The following SH3RF1 variants were observed in gnomAD, a reference collection of about 807,000 sequenced individuals.
SH3RF1 encodes E3 ubiquitin-protein ligase SH3RF1.
In SH3RF1, 32 loss-of-function variants were observed where a neutral mutation model predicts 74.0. The observed-to-expected ratio is 0.43, with a 90% CI of 0.33 to 0.58. The LOEUF is 0.58. Ranked by LOEUF, SH3RF1 falls within the 20% of genes least tolerant of loss-of-function variation. The pLI is 0.05. For synonymous variants in SH3RF1, 396 were observed against 439.6 expected (o/e 0.90, Z 1.24); for missense variants, 954 against 1,130.9 (o/e 0.84, Z 2.24).
At chr4:169,243,580 G>C (rs909774346) in intron 2 of SH3RF1, among the ~76,000 whole-genome samples, 1 of 152,112 alleles carries the variant, frequency 6.6e-6, no homozygotes, top group African/African-American at 2.4e-5. Context: ...GATTATGCTA[G>C]GCTAATTCCC....
intron 2 of SH3RF1, among the ~76,000 whole-genome samples, chr4:169,267,156 G>A (rs922902307): frequency 2.0e-5 from 3 of 152,162 alleles, no homozygotes; most frequent in Admixed American, 2.0e-4. Flanking sequence ...TTCCATGTTA[G>A]CAAGAAAACT....
chr4:169,125,984 A>T (rs1162243677), intron 6 of SH3RF1, among the ~76,000 whole-genome samples: 1 of 152,230 alleles, frequency 6.6e-6, no homozygotes, highest in African/African-American at 2.4e-5. Flanking sequence ...ATATCAGTTA[A>T]GTGACTCTGT....
At chr4:169,109,865 C>A (rs943045027) in intron 10 of SH3RF1, among the ~76,000 whole-genome samples, 1 of 150,756 alleles carries the variant, frequency 6.6e-6, no homozygotes, top group Admixed American at 6.6e-5. Context: ...AAAAATTAGC[C>A]AGGTGTGGTG....
At chr4:169,120,219 T>A (rs1733415455) in intron 8 of SH3RF1, among the ~76,000 whole-genome samples, 1 of 152,226 alleles carries the variant, frequency 6.6e-6, no homozygotes. Flanking sequence ...GAAGGATCTA[T>A]GCTATACTTA....
intron 2 of SH3RF1, among the ~76,000 whole-genome samples, chr4:169,209,650 T>TG (rs1346231063): frequency 6.6e-6 from 1 of 152,208 alleles, no homozygotes; most frequent in East Asian, 1.9e-4. Context: ...GTCCCACCAT[T>TG]AACTCACACT....
intron 2 of SH3RF1, among the ~76,000 whole-genome samples, chr4:169,204,550 C>CTTTTTT (rs35188309): frequency 8.8e-6 from 1 of 114,150 alleles, no homozygotes; most frequent in African/African-American, 3.1e-5. Flanking sequence ...ATTACCTTCT[C>CTTTTTT]TTTTTTTTTT....
chr4:169,132,189 T>A (rs1298544838), intron 5 of SH3RF1, among the ~76,000 whole-genome samples: 1 of 152,242 alleles, frequency 6.6e-6, no homozygotes, highest in Non-Finnish European at 1.5e-5. Flanking sequence ...CAAGGAACCC[T>A]TGGGGCAGAA....
chr4:169,110,269 C>A (rs966711459), intron 10 of SH3RF1, among the ~76,000 whole-genome samples: 3 of 151,626 alleles, frequency 2.0e-5, no homozygotes, highest in African/African-American at 7.3e-5. Context: ...GGGAGGATCA[C>A]TTAAGACCAG....
intron 4 of SH3RF1, among the ~76,000 whole-genome samples, chr4:169,138,403 G>A (rs2126955300): frequency 6.6e-6 from 1 of 152,318 alleles, no homozygotes; most frequent in Non-Finnish European, 1.5e-5. Flanking sequence ...ATGAAATGAA[G>A]GGCCAGCACA....
intron 1 of SH3RF1, 23 bp from the exon 2 acceptor site, chr4:169,269,330 G>GA: frequency 2.7e-6 from 3 of 1,122,546 alleles, no homozygotes; most frequent in Admixed American, 3.0e-5. Flanking sequence ...GGAAAAGGGG[G>GA]AAAAGAGAAC....
intron 2 of SH3RF1, among the ~76,000 whole-genome samples, chr4:169,181,531 G>A (rs1734511436): frequency 6.6e-6 from 1 of 151,534 alleles, no homozygotes; most frequent in Non-Finnish European, 1.5e-5. Context: ...AAAGTGCTAG[G>A]ATTACAGGCG....
intron 2 of SH3RF1, among the ~76,000 whole-genome samples, chr4:169,174,945 C>G (rs1734393274): frequency 6.6e-6 from 1 of 152,162 alleles, no homozygotes; most frequent in Non-Finnish European, 1.5e-5. Context: ...TGTTGAATAT[C>G]TAATAGGCAT....
intron 6 of SH3RF1, among the ~76,000 whole-genome samples, chr4:169,126,981 C>T (rs13102751): frequency 0.2 from 30,028 of 152,108 alleles, 3,103 homozygotes; most frequent in African/African-American, 0.26. Context: ...TAATACCTTG[C>T]AGTTAACCAC....
intron 2 of SH3RF1, among the ~76,000 whole-genome samples, chr4:169,236,815 C>A (rs1314458908): frequency 6.6e-6 from 1 of 152,136 alleles, no homozygotes; most frequent in Admixed American, 6.5e-5. Flanking sequence ...TAAAATGCTA[C>A]ATATGTAGGC....
rs548800179 is a variant in SH3RF1 at position 169,241,501 on chromosome 4, T to C, written c.393+27319A>G. ...CCATGGAAGTAAAGGCCTTAGGAAG[T>C]AAAGGCCTTAGGGGTTGAGAGCATC... is the stretch of plus-strand genomic sequence containing the variant. On this transcript the variant is annotated intron_variant, in intron 2 of 11. Transcript: ENST00000284637. Among the ~76,000 whole-genome samples the C allele has an allele frequency of 3.9e-5, 6 of 152,120 alleles. 1 individual carries two copies. The highest frequency in any genetic ancestry group is 1.9e-4 in the East Asian group (1 of 5,178).
At chr4:169,150,576 G>A (rs979101287) in intron 4 of SH3RF1, among the ~76,000 whole-genome samples, 1 of 152,054 alleles carries the variant, frequency 6.6e-6, no homozygotes, top group African/African-American at 2.4e-5. Context: ...TAGAACTCTT[G>A]AACTTACTCC....
At chr4:169,270,608 G>C (rs568698532) in intron 1 of SH3RF1, 2 of 152,528 alleles carry the variant, frequency 1.3e-5, no homozygotes, top group South Asian at 4.1e-4. Context: ...CGGGAAGCAG[G>C]GGGTGCTGGG....
intron 2 of SH3RF1, among the ~76,000 whole-genome samples, chr4:169,196,085 G>C (rs969981186): frequency 1.3e-5 from 2 of 152,188 alleles, no homozygotes; most frequent in Non-Finnish European, 1.5e-5. Context: ...AAAGTGTTGA[G>C]ATTACAGGAG....
At chr4:169,155,823 T>C (rs1465092151) in intron 3 of SH3RF1, among the ~76,000 whole-genome samples, 1 of 152,186 alleles carries the variant, frequency 6.6e-6, no homozygotes, top group Non-Finnish European at 1.5e-5. Context: ...CTGCTAACTC[T>C]TAAGATCTAC....
Sources: allele counts gnomAD v4.1 joint callset (sites outside exome capture counted in the v4.1 genomes callset), GRCh38; gene constraint gnomAD v4.1.1; transcripts MANE v1.5; gene names NCBI Gene and HGNC (gene_info 2026-07-23, HGNC 2026-07-21).